The following NUBPL variants were observed in gnomAD, a reference collection of about 807,000 sequenced individuals.
The protein encoded by NUBPL is NUBP iron-sulfur cluster assembly factor, mitochondrial.
Under a neutral mutation model 45.7 loss-of-function variants are expected in NUBPL, and 31 were observed. The observed-to-expected ratio is 0.68, with a 90% CI of 0.51 to 0.92. The LOEUF (loss-of-function observed/expected upper bound fraction) is 0.92. Among genes scored for constraint, NUBPL ranks in the 40% least tolerant of loss-of-function variants. NUBPL has a pLI of 0.00. For synonymous variants in NUBPL, 144 were observed against 140.9 expected, an observed-to-expected ratio of 1.02 and a Z score of -0.15; for missense variants, 401 against 398.7, an observed-to-expected ratio of 1.01 and a Z score of -0.05.
chr14:31,645,783 C>G (rs539281647), intron 4 of NUBPL, among the ~76,000 whole-genome samples: 2 of 137,434 alleles, frequency 1.5e-5, no homozygotes, highest in South Asian at 2.9e-4. Context: ...CACCCCCCCC[C>G]CCACATTTTG....
intron 6 of NUBPL, among the ~76,000 whole-genome samples, chr14:31,765,959 G>GT (rs2038905114): frequency 6.6e-6 from 1 of 152,128 alleles, no homozygotes; most frequent in African/African-American, 2.4e-5. Context: ...TTAGCCATGA[G>GT]TTAGGTAAAA....
intron 3 of NUBPL, among the ~76,000 whole-genome samples, chr14:31,586,099 G>T (rs932025892): frequency 1.1e-4 from 16 of 151,968 alleles, no homozygotes; most frequent in African/African-American, 3.9e-4. Flanking sequence ...CATTCCTTTG[G>T]CCCCTAAACA....
intron 6 of NUBPL, among the ~76,000 whole-genome samples, chr14:31,784,493 AG>A (rs1167346142): frequency 6.6e-6 from 1 of 152,192 alleles, no homozygotes; most frequent in African/African-American, 2.4e-5. Flanking sequence ...GTAAGGAAGA[AG>A]GCTAATCTGT....
chr14:31,785,348 C>T (rs8009012), intron 6 of NUBPL, among the ~76,000 whole-genome samples: 18,776 of 152,188 alleles, frequency 0.12, 3,110 homozygotes, highest in African/African-American at 0.38. Flanking sequence ...ACTGACTGCA[C>T]AGCAAGAGGT....
chr14:31,772,531 A>G (rs1471035693), intron 6 of NUBPL, among the ~76,000 whole-genome samples: 2 of 152,176 alleles, frequency 1.3e-5, no homozygotes, highest in African/African-American at 2.4e-5. Flanking sequence ...AAGCTTTACT[A>G]TTTCAACTGT....
Position 31,577,948 on chromosome 14 carries a change from G to T in NUBPL, c.291+12900G>T. ...TATCTCATGCCATTAGAGTGACCAT[G>T]ACTTTCACAAGGTCGGGGACTGCGT... On this transcript the variant is annotated intron_variant, in intron 3 of 10. Coordinates refer to ENST00000281081, the MANE Select transcript of NUBPL (RefSeq NM_025152.3). 3.1e-6 allele frequency: 4 copies of T among 1,288,942 alleles called. No homozygotes were observed. The South Asian group carries it at 3.7e-5, about 12-fold the overall frequency. The allele number at this position is 1,288,942 out of a possible 1,614,324, so 79.8% of individuals were successfully genotyped here.
rs112951412 is a variant in NUBPL, at chr14:31,643,216, G to T, written c.383-30139G>T. On this transcript the variant is annotated intron_variant, in intron 4 of 10. Coordinates refer to ENST00000281081, the MANE Select transcript of NUBPL (RefSeq NM_025152.3). ...TGTTGAATACAAGTGGTGAAAGTGG[G>T]CATCTTGTCTTGTTCCAGATCTTAG... Among the ~76,000 whole-genome samples the T allele has an allele frequency of 3.9e-4, 59 of 152,208 alleles. 1 individual carries two copies. The highest frequency in any genetic ancestry group is 1.3e-3 in the African/African-American group (52 of 41,558).
At chr14:31,632,013 A>G (rs1038817690) in intron 4 of NUBPL, among the ~76,000 whole-genome samples, 2 of 152,186 alleles carry the variant, frequency 1.3e-5, no homozygotes, top group African/African-American at 4.8e-5. Flanking sequence ...ATAATGAATC[A>G]GTACCTGTGT....
At chr14:31,754,569 T>C (rs2038606988) in intron 6 of NUBPL, among the ~76,000 whole-genome samples, 1 of 150,282 alleles carries the variant, frequency 6.7e-6, no homozygotes, top group Non-Finnish European at 1.5e-5. Flanking sequence ...GGGTTTTAAA[T>C]TGATAATGTC....
chr14:31,636,087 T>C (rs1472191619), intron 4 of NUBPL, among the ~76,000 whole-genome samples: 4 of 151,752 alleles, frequency 2.6e-5, no homozygotes, highest in Admixed American at 1.3e-4. Context: ...TTTATTTCCT[T>C]CTCCTGCCTA....
intron 6 of NUBPL, among the ~76,000 whole-genome samples, chr14:31,751,922 A>G (rs184451935): frequency 3.3e-5 from 5 of 152,328 alleles, no homozygotes; most frequent in Non-Finnish European, 5.9e-5. Flanking sequence ...AACTGCATGG[A>G]GGCCACCAAG....
chr14:31,660,033 T>G (rs2036231254), intron 4 of NUBPL, among the ~76,000 whole-genome samples: 1 of 152,190 alleles, frequency 6.6e-6, no homozygotes, highest in Non-Finnish European at 1.5e-5. Flanking sequence ...ATTTTAATAT[T>G]AAGAGTAATA....
chr14:31,834,410 A>T (rs886737228), intron 8 of NUBPL, among the ~76,000 whole-genome samples: 1 of 152,104 alleles, frequency 6.6e-6, no homozygotes, highest in South Asian at 2.1e-4. Context: ...CGATCTCCTG[A>T]CTTCATGATC....
chr14:31,609,624 C>T (rs938651427), intron 4 of NUBPL, among the ~76,000 whole-genome samples: 2 of 152,170 alleles, frequency 1.3e-5, no homozygotes, highest in Non-Finnish European at 2.9e-5. Flanking sequence ...AATACACATT[C>T]TTTTCCTCAG....
chr14:31,743,157 A>G (rs2038322515), intron 6 of NUBPL, among the ~76,000 whole-genome samples: 1 of 152,046 alleles, frequency 6.6e-6, no homozygotes, highest in African/African-American at 2.4e-5. Flanking sequence ...TTCTTACAGT[A>G]TATTCTTTGC....
intron 6 of NUBPL, among the ~76,000 whole-genome samples, chr14:31,737,214 T>A (rs893263825): frequency 1.3e-5 from 2 of 152,350 alleles, no homozygotes; most frequent in Non-Finnish European, 2.9e-5. Context: ...ATTTAAGAAG[T>A]CTTTTCTACC....
intron 4 of NUBPL, among the ~76,000 whole-genome samples, chr14:31,603,300 A>G (rs1257704925): frequency 2.6e-5 from 3 of 117,390 alleles, no homozygotes; most frequent in Admixed American, 8.1e-5. Flanking sequence ...ATCCTGTCTG[A>G]AAAAAAAAAA....
chr14:31,563,590 A>G (rs1360955859), intron 2 of NUBPL, among the ~76,000 whole-genome samples: 1 of 152,162 alleles, frequency 6.6e-6, no homozygotes, highest in African/African-American at 2.4e-5. Flanking sequence ...CTCTATTGGT[A>G]TTATTAATAT....
chr14:31,682,666 C>T (rs996999584), intron 6 of NUBPL, among the ~76,000 whole-genome samples: 3 of 151,788 alleles, frequency 2.0e-5, no homozygotes, highest in African/African-American at 7.3e-5. Context: ...GCTATCTATC[C>T]CTCTTGGTAT....
Sources: gnomAD v4.1 joint callset for allele counts (sites outside exome capture counted in the v4.1 genomes callset) on GRCh38, gnomAD v4.1.1 for gene constraint, MANE v1.5 for transcripts, NCBI Gene and HGNC (gene_info 2026-07-23, HGNC 2026-07-21) for gene names.